Variants in MTAP observed in about 807,000 individuals in gnomAD.
MTAP encodes S-methyl-5'-thioadenosine phosphorylase.
In MTAP, 33 loss-of-function variants were observed where a neutral mutation model predicts 33.6. The ratio of observed to expected loss-of-function variants is 0.98; its 90% CI spans 0.74 to 1.31. The LOEUF (loss-of-function observed/expected upper bound fraction) is 1.31, where lower values mean the gene tolerates loss of function less well. Ranked by LOEUF, MTAP falls within the 40% of genes most tolerant of loss-of-function variation. MTAP has a pLI of 0.00. For synonymous variants in MTAP, 148 were observed against 125.7 expected (o/e 1.18, Z -1.19); for missense variants, 367 against 360.0 (o/e 1.02, Z -0.16).
chr9:21,824,819 C>G (rs570767676), intron 4 of MTAP, among the ~76,000 whole-genome samples: 1 of 152,290 alleles, frequency 6.6e-6, no homozygotes, highest in Non-Finnish European at 1.5e-5. Context: ...CATCCCCCAG[C>G]CTTGCCGCCG....
At chr9:21,919,160 AAG>A (rs1647243342) in intron 1 of MTAP, among the ~76,000 whole-genome samples, 2 of 152,194 alleles carry the variant, frequency 1.3e-5, no homozygotes, top group Admixed American at 6.5e-5. Flanking sequence ...TTGTAGCTGA[AAG>A]AGAGGAAATT....
In MTAP at chr9:21,915,699, A is replaced by G. The variant is rs1015433650; in HGVS notation, c.148-15309A>G. On this transcript the variant is annotated intron_variant, in intron 1 of 1. Transcript: ENST00000577563. ...TGCACTTTAAAAGATAACTCAGACT[A>G]TGGTGTTGAGAATATACTGTAAGAT... Among the ~76,000 whole-genome samples the G allele has an allele frequency of 6.6e-5, 10 of 151,966 alleles. No homozygotes were observed. The East Asian group carries it at 1.9e-3, about 30-fold the overall frequency.
In MTAP at chr9:21,866,829, A is replaced by G. The variant is rs1010757482; in HGVS notation, c.*4815A>G. On this transcript the variant is annotated 3_prime_UTR_variant, in exon 8 of 8. Coordinates refer to ENST00000644715, the MANE Select transcript of MTAP (RefSeq NM_002451.4). ...AAGAATTGACAATATTGAACCTTTC[A>G]ATCGATGGACATGGTATGTTTCTGC... 56 of 152,272 alleles carry G rather than the reference A, an allele frequency of 3.7e-4. No individual in the cohort carries two copies. Among genetic ancestry groups the G allele is most frequent in the African/African-American group, 1.2e-3 (51 of 41,582 alleles). The allele number at this position is 152,272 out of a possible 1,614,324, so 9.4% of individuals were successfully genotyped here.
rs1260529248 is a variant in MTAP, at chr9:21,862,104, C to T, written c.*90C>T. On this transcript the variant is annotated 3_prime_UTR_variant, in exon 8 of 8. Transcript: ENST00000644715. ...TAACTTGAAAAAAATATGGGAAAGA[C>T]ATGCAGCTTTCATGCCCTTGCCTAT... 2 of 1,606,606 alleles carry T rather than the reference C, an allele frequency of 1.2e-6. No homozygotes were observed. Among genetic ancestry groups the T allele is most frequent in the Admixed American group, 1.7e-5 (1 of 58,958 alleles).
At chr9:21,833,534 A>T (rs1343559347) in intron 4 of MTAP, among the ~76,000 whole-genome samples, 2 of 152,156 alleles carry the variant, frequency 1.3e-5, no homozygotes, top group East Asian at 3.9e-4. Context: ...TTCTGTCAGA[A>T]TTTTTTCTCA....
intron 1 of MTAP, among the ~76,000 whole-genome samples, chr9:21,877,160 T>C (rs760035871): frequency 5.3e-5 from 8 of 152,144 alleles, no homozygotes; most frequent in Non-Finnish European, 1.2e-4. Context: ...GCTCTCTGCT[T>C]GACTGTCATT....
chr9:21,874,591 G>C (rs1825978802), intron 1 of MTAP, among the ~76,000 whole-genome samples: 1 of 151,980 alleles, frequency 6.6e-6, no homozygotes, highest in African/African-American at 2.4e-5. Flanking sequence ...CCATTCTGTA[G>C]GTTGCCTGTT....
intron 4 of MTAP, among the ~76,000 whole-genome samples, chr9:21,823,316 C>CA (rs1410565928): frequency 2.6e-5 from 4 of 152,176 alleles, no homozygotes; most frequent in Non-Finnish European, 5.9e-5. Flanking sequence ...ATGGTGGTGA[C>CA]AAAATCCTCA....
At chr9:21,919,842 T>C (rs984034666) in intron 1 of MTAP, among the ~76,000 whole-genome samples, 3 of 152,150 alleles carry the variant, frequency 2.0e-5, no homozygotes, top group African/African-American at 7.2e-5. Context: ...ATTAACCCAT[T>C]TCCTGTTTAG....
intron 5 of MTAP, among the ~76,000 whole-genome samples, chr9:21,851,235 G>A (rs1273613440): frequency 6.6e-6 from 1 of 152,190 alleles, no homozygotes; most frequent in Non-Finnish European, 1.5e-5. Flanking sequence ...AAGGCAAAGG[G>A]AATACAGAAT....
chr9:21,863,888 G>A lies in MTAP; in HGVS notation c.*1874G>A, dbSNP rs1825804342. On this transcript the variant is annotated 3_prime_UTR_variant, in exon 8 of 8. Coordinates refer to ENST00000644715, the MANE Select transcript of MTAP (RefSeq NM_002451.4). ...ATGACTCATTAGTGTGAGCCATTTG[G>A]GTCAAGTATGATTATGACCCTTGGA... The A allele has an allele frequency of 2.0e-6, 2 of 985,722 alleles. No homozygotes were observed. Among genetic ancestry groups the A allele is most frequent in the African/African-American group, 1.7e-5 (1 of 57,286 alleles). 61.1% of individuals were successfully genotyped at this position (985,722 alleles called of 1,614,324 possible).
intron 1 of MTAP, among the ~76,000 whole-genome samples, chr9:21,884,908 A>G (rs767007675): frequency 1.7e-4 from 26 of 152,212 alleles, no homozygotes; most frequent in Non-Finnish European, 2.9e-4. Flanking sequence ...TGCATACACA[A>G]TTAGTAAAAC....
intron 6 of MTAP, chr9:21,856,096 G>C: frequency 3.4e-6 from 3 of 894,896 alleles, no homozygotes; most frequent in Non-Finnish European, 4.0e-6. Flanking sequence ...TTTATTCCTT[G>C]TGTTACTTGA....
At chr9:21,874,202 T>G (rs1825973823) in intron 1 of MTAP, among the ~76,000 whole-genome samples, 1 of 152,182 alleles carries the variant, frequency 6.6e-6, no homozygotes, top group South Asian at 2.1e-4. Flanking sequence ...CCACCCGGCT[T>G]CAAGAATTAC....
In MTAP at chr9:21,837,557, G is replaced by A. The variant is rs145079520; in HGVS notation, c.348-351G>A. 2.8e-3 allele frequency among the ~76,000 whole-genome samples: 424 copies of A among 152,278 alleles called. 2 individuals are homozygous for A. The highest frequency in any genetic ancestry group is 9.7e-3 in the African/African-American group (403 of 41,546). ...TGGTGTTAAGTATATGATTTTCCAC[G>A]TCTGTGATGATGAAACATTTTTGTA... On this transcript the variant is annotated intron_variant, in intron 4 of 7. Coordinates refer to ENST00000644715, the MANE Select transcript of MTAP (RefSeq NM_002451.4).
At chr9:21,895,844 A>G (rs1167511750) in intron 1 of MTAP, among the ~76,000 whole-genome samples, 3 of 152,154 alleles carry the variant, frequency 2.0e-5, no homozygotes, top group Non-Finnish European at 4.4e-5. Flanking sequence ...ACCACAGCTC[A>G]AGGAGGCTTG....
intron 1 of MTAP, among the ~76,000 whole-genome samples, chr9:21,898,412 T>C (rs370871102): frequency 6.6e-6 from 1 of 152,132 alleles, no homozygotes; most frequent in African/African-American, 2.4e-5. Context: ...AGCTTCTGCA[T>C]AGCAAAAGAA....
At chr9:21,838,640 T>G (rs956723874) in intron 5 of MTAP, among the ~76,000 whole-genome samples, 4 of 152,256 alleles carry the variant, frequency 2.6e-5, no homozygotes, top group African/African-American at 9.6e-5. Flanking sequence ...CTGTCTACCA[T>G]TATAGCCAAA....
At chr9:21,897,445 C>T (rs1563863204) in intron 1 of MTAP, among the ~76,000 whole-genome samples, 1 of 152,158 alleles carries the variant, frequency 6.6e-6, no homozygotes, top group Non-Finnish European at 1.5e-5. Flanking sequence ...CAAATTGTCC[C>T]TGTTTGCAGA....
Sources: gnomAD v4.1 joint callset for allele counts (sites outside exome capture counted in the v4.1 genomes callset) on GRCh38, gnomAD v4.1.1 for gene constraint, MANE v1.5 for transcripts, NCBI Gene and HGNC (gene_info 2026-07-23, HGNC 2026-07-21) for gene names.